The following PPP6R1 variants were observed in gnomAD, a reference collection of about 807,000 sequenced individuals.
PPP6R1 encodes the protein serine/threonine-protein phosphatase 6 regulatory subunit 1.
In PPP6R1, 39 loss-of-function variants were observed where a neutral mutation model predicts 104.6. The ratio of observed to expected loss-of-function variants is 0.37; its 90% CI spans 0.29 to 0.49. PPP6R1 has a LOEUF of 0.49. Ranked by LOEUF, PPP6R1 falls within the 20% of genes least tolerant of loss-of-function variation. The pLI, the probability that PPP6R1 is intolerant of heterozygous loss-of-function variation, is 0.98. For missense variants in PPP6R1, 1,181 were observed against 1,155.8 expected (o/e 1.02, Z -0.32); for synonymous variants, 549 against 479.0 (o/e 1.15, Z -1.91).
chr19:55,257,636 G>A (rs2087603529), intron 1 of PPP6R1, among the ~76,000 whole-genome samples: 1 of 152,106 alleles, frequency 6.6e-6, no homozygotes. Flanking sequence ...TTCCTAGACA[G>A]AAAAAGCCGT....
Position 55,232,140 on chromosome 19 carries a change from A to G in PPP6R1, c.2060T>C (p.Ile687Thr), listed in dbSNP as rs2087355094. The change falls in exon 18 of 24, where the codon ATT (isoleucine) becomes ACT (threonine). Residue 687 changes from isoleucine to threonine, a missense_variant. By Grantham distance (89) the Ile-to-Thr change is moderately conservative (BLOSUM62 -1). Transcript: ENST00000412770. ...DEEEEEDEEG[I>T]GCAARGGATP... ...GGCCCCTCCACGGGCTGCACAGCCAATGCCCTCCTCGTCTTCCTCCTCCTC... is the reference window on the plus strand; with the variant it reads ...GGCCCCTCCACGGGCTGCACAGCCAGTGCCCTCCTCGTCTTCCTCCTCCTC... 6.3e-7 allele frequency: 1 copy of G among 1,590,728 alleles called. No individual in the cohort carries two copies. The highest frequency in any genetic ancestry group is 8.6e-7 in the Non-Finnish European group (1 of 1,168,652).
chr19:55,231,328 G>C, intron 21 of PPP6R1, 82 bp downstream of exon 21: 1 of 1,457,922 alleles, frequency 6.9e-7, no homozygotes, highest in South Asian at 1.2e-5. Flanking sequence ...GCAGCTCAGG[G>C]ACAAGATGAA....
At position 55,239,622 on chromosome 19, in the gene PPP6R1, T is replaced by C; in HGVS notation, c.1625A>G (p.Asn542Ser). ...CTGCAGCACAGCCTCCTCAGGGAAG[T>C]TGAACTCCTTGAGCCGGTCGTCCTC... The part of the protein sequence containing the change: ...DDEDDRLKEF[N>S]FPEEAVLQQA... Residue 542 changes from asparagine (N) to serine (S), a missense_variant, in exon 14 of 24, where the codon AAC becomes AGC. Asn to Ser is a conservative substitution (Grantham distance 46, BLOSUM62 1). Around this residue, in one of 2 missense-constraint regions of PPP6R1, gnomAD observed 1,042 missense variants for 955.6 expected, o/e 1.09. Coordinates refer to ENST00000412770, the MANE Select transcript of PPP6R1 (RefSeq NM_014931.4). 1 of 1,611,820 alleles carries C rather than the reference T, an allele frequency of 6.2e-7. No homozygotes were observed. Among genetic ancestry groups the C allele is most frequent in the African/African-American group, 1.3e-5 (1 of 74,980 alleles).
chr19:55,241,452 G>A lies in PPP6R1; in HGVS notation c.1008+25C>T, dbSNP rs755221101. On this transcript the variant is annotated intron_variant, in intron 8 of 23. Coordinates refer to ENST00000412770, the MANE Select transcript of PPP6R1 (RefSeq NM_014931.4). The surrounding 1 kb of genome is among the most constrained non-coding windows in gnomAD (Gnocchi z 5.4). The stretch of plus-strand genomic sequence containing the variant: ...CCCTTCCTGCTTCCCCCGCCTCCCC[G>A]AGGACCAGAACCCACACCCCTGACC... 5.0e-6 allele frequency: 8 copies of A among 1,598,198 alleles called. No individual in the cohort carries two copies. The highest frequency in any genetic ancestry group is 4.0e-5 in the African/African-American group (3 of 74,540).
downstream of PPP6R1, chr19:55,228,613 C>T: frequency 6.5e-7 from 1 of 1,543,906 alleles, no homozygotes; most frequent in Non-Finnish European, 8.8e-7. Context: ...TCAAGGACAG[C>T]AGCTCCCAGA....
intron 5 of PPP6R1, among the ~76,000 whole-genome samples, chr19:55,242,931 T>C (rs1200469359): frequency 6.6e-6 from 1 of 151,974 alleles, no homozygotes; most frequent in African/African-American, 2.4e-5. Flanking sequence ...AGTACATGAT[T>C]CCAATTATAT....
chr19:55,247,041 G>C lies in PPP6R1; in HGVS notation c.63C>G (p.Asp21Glu). ...SHLDTLLERE[D>E]LSLPELLDEE... ...CGTCCAGCAGCTCGGGCAGGCTCAG[G>C]TCCTCCCGCTCCAGCAGCGTGTCCA... The change falls in exon 2 of 24, where the codon GAC becomes GAG. Residue 21 changes from aspartate (D) to glutamate (E), a missense_variant. Asp to Glu is a conservative substitution (Grantham distance 45). This residue lies in a region of PPP6R1 where 139 missense variants were observed against 200.1 expected (regional missense o/e 0.69). Transcript: ENST00000412770. The C allele has an allele frequency of 6.2e-7, 1 of 1,613,832 alleles. No individual in the cohort carries two copies. Among genetic ancestry groups the C allele is most frequent in the Non-Finnish European group, 8.5e-7 (1 of 1,179,886 alleles).
chr19:55,246,021 C>T (rs779702637), intron 2 of PPP6R1, among the ~76,000 whole-genome samples: 11 of 152,156 alleles, frequency 7.2e-5, no homozygotes, highest in Non-Finnish European at 1.5e-4. Context: ...GCCCCAGCTC[C>T]GGCTGACTCC....
downstream of PPP6R1, chr19:55,228,551 A>ACCCATTCAGGGACCAGGCTGCC (rs2087307869): frequency 6.5e-7 from 1 of 1,527,582 alleles, no homozygotes; most frequent in South Asian, 1.2e-5. Flanking sequence ...TACAGGCTGG[A>ACCCATTCAGGGACCAGGCTGCC]CCCATTCAGG....
chr19:55,246,681 C>T (rs1429668689), intron 2 of PPP6R1, among the ~76,000 whole-genome samples, 196 bp downstream of exon 2: 1 of 152,214 alleles, frequency 6.6e-6, no homozygotes, highest in Non-Finnish European at 1.5e-5. Flanking sequence ...CACTGCCCTC[C>T]AGAGCACAGG....
chr19:55,239,666 T>C lies in PPP6R1; in HGVS notation c.1581A>G (p.Leu527=). Residue 527 remains leucine, a synonymous_variant, in exon 14 of 24, where the codon CTA becomes CTG. Coordinates refer to ENST00000412770, the MANE Select transcript of PPP6R1 (RefSeq NM_014931.4). The part of the protein sequence containing the change: ...NMVDLVNTHH[L]HSSSDDEDDR... Reference sequence around the variant, plus strand: ...CGTCCTCATCGTCACTGGAGGAGTGTAGGTGGTGGGTGTTCACCTGGGGAG... The same window carrying C: ...CGTCCTCATCGTCACTGGAGGAGTGCAGGTGGTGGGTGTTCACCTGGGGAG... The C allele has an allele frequency of 6.2e-7, 1 of 1,611,434 alleles. No homozygotes were observed. Among genetic ancestry groups the C allele is most frequent in the Non-Finnish European group, 8.5e-7 (1 of 1,178,786 alleles).
chr19:55,233,765 T>C lies in PPP6R1; in HGVS notation c.1989-1554A>G, dbSNP rs1263607326. 1.3e-5 allele frequency among the ~76,000 whole-genome samples: 2 copies of C among 152,298 alleles called. 1 individual carries two copies. Among genetic ancestry groups the C allele is most frequent in the South Asian group, 4.1e-4 (2 of 4,828 alleles). On this transcript the variant is annotated intron_variant, in intron 17 of 23. Coordinates refer to ENST00000412770, the MANE Select transcript of PPP6R1 (RefSeq NM_014931.4). Reference sequence around the variant, plus strand: ...ATACTCTAAAACCTACGAAACATTGTTGAAAGAAATTTTAAGACCTATATA... The same window carrying C: ...ATACTCTAAAACCTACGAAACATTGCTGAAAGAAATTTTAAGACCTATATA...
rs137964012 is a variant in PPP6R1 at position 55,230,725 on chromosome 19, C to T, written c.2571-41G>A. 3.6e-3 allele frequency: 5,338 copies of T among 1,501,072 alleles called. 211 individuals are homozygous for T. In the East Asian group the frequency reaches 0.091, roughly 26 times the overall value. 93.0% of individuals were successfully genotyped at this position (1,501,072 alleles called of 1,614,324 possible). ...GGGGATGTGCAGAGGTCACTTCCTGCCCCACCAGCCCCACCCCCACCCCCC... is the reference window on the plus strand; with the variant it reads ...GGGGATGTGCAGAGGTCACTTCCTGTCCCACCAGCCCCACCCCCACCCCCC... On this transcript the variant is annotated intron_variant, in intron 22 of 23. Coordinates refer to ENST00000412770, the MANE Select transcript of PPP6R1 (RefSeq NM_014931.4).
At chr19:55,231,694 G>C (rs2087348843) in intron 19 of PPP6R1, 26 bp from the exon 20 acceptor site, 1 of 1,576,822 alleles carries the variant, frequency 6.3e-7, no homozygotes, top group South Asian at 1.2e-5. Flanking sequence ...GGCAGCCCAA[G>C]GGGGCAGCTA....
At chr19:55,251,296 A>G (rs1424998177) in intron 1 of PPP6R1, among the ~76,000 whole-genome samples, 1 of 152,204 alleles carries the variant, frequency 6.6e-6, no homozygotes, top group East Asian at 1.9e-4. Context: ...ACCTGAGGGC[A>G]GCACCTAGCA....
At chr19:55,238,469 G>A (rs774876988) in intron 15 of PPP6R1, among the ~76,000 whole-genome samples, 2 of 152,066 alleles carry the variant, frequency 1.3e-5, no homozygotes, top group Non-Finnish European at 2.9e-5. Flanking sequence ...CTATGTCCTG[G>A]GGCCTCAGTC....
In PPP6R1 at chr19:55,241,205, C is replaced by T. The variant is rs2087453541; in HGVS notation, c.1161+34G>A. 2 of 1,508,268 alleles carry T rather than the reference C, an allele frequency of 1.3e-6. No homozygotes were observed. Among genetic ancestry groups the T allele is most frequent in the Non-Finnish European group, 1.8e-6 (2 of 1,128,752 alleles). 93.4% of individuals were successfully genotyped at this position (1,508,268 alleles called of 1,614,324 possible). A position where few individuals can be genotyped will look rare whatever the true frequency, so the allele number is the denominator to read the frequency against. ...CAGCCCAGTCCAGTCCCCGCCCCAG[C>T]CCCTGAACCCCCAGCCCGGTCCAGT... On this transcript the variant is annotated intron_variant, in intron 9 of 23. Coordinates refer to ENST00000412770, the MANE Select transcript of PPP6R1 (RefSeq NM_014931.4). This position sits in a 1 kb window ranked among gnomAD's most constrained non-coding sequence, Gnocchi z 5.4.
intron 15 of PPP6R1, chr19:55,239,157 G>A (rs1165334452): frequency 7.7e-6 from 4 of 520,100 alleles, no homozygotes; most frequent in Non-Finnish European, 1.4e-5. Context: ...GAAGATGTTT[G>A]TGCCCCACCC....
intron 1 of PPP6R1, among the ~76,000 whole-genome samples, chr19:55,249,382 C>CA (rs937342258): frequency 2.0e-5 from 3 of 152,196 alleles, no homozygotes; most frequent in African/African-American, 2.4e-5. Flanking sequence ...GCTGGTACTA[C>CA]AAGCATCTGC....
Sources: allele counts gnomAD v4.1 joint callset (sites outside exome capture counted in the v4.1 genomes callset), GRCh38; gene constraint gnomAD v4.1.1; regional missense constraint gnomAD v4.1.1; non-coding constraint Gnocchi (gnomAD v3.1); transcripts MANE v1.5; gene names NCBI Gene and HGNC (gene_info 2026-07-23, HGNC 2026-07-21).